The following TSPAN18 variants were observed in gnomAD, a reference collection of about 807,000 sequenced individuals.
TSPAN18 encodes tetraspanin 18.
A neutral mutation model predicts 27.3 loss-of-function variants in TSPAN18; 14 were observed. The observed-to-expected ratio is 0.51, with a 90% confidence interval of 0.34 to 0.80. The LOEUF (loss-of-function observed/expected upper bound fraction) is 0.80, where lower values mean the gene tolerates loss of function less well. TSPAN18 is among the 30% of genes least tolerant of loss of function. The pLI, the probability that TSPAN18 is intolerant of heterozygous loss-of-function variation, is 0.01. For synonymous variants in TSPAN18, 143 were observed against 136.5 expected, an observed-to-expected ratio of 1.05 and a Z score of -0.33; for missense variants, 268 against 323.9, an observed-to-expected ratio of 0.83 and a Z score of 1.32.
intron 2 of TSPAN18, among the ~76,000 whole-genome samples, chr11:44,794,967 C>A (rs1365763391): frequency 6.6e-6 from 1 of 152,110 alleles, no homozygotes; most frequent in Non-Finnish European, 1.5e-5. Flanking sequence ...AAAAATGATG[C>A]CAGCTTGGTT....
At chr11:44,906,175 A>G (rs569395226) in intron 3 of TSPAN18, among the ~76,000 whole-genome samples, 3 of 152,368 alleles carry the variant, frequency 2.0e-5, no homozygotes, top group African/African-American at 7.2e-5. Flanking sequence ...AGAGAGAGCA[A>G]GACTCAGAGA....
At chr11:44,733,743 G>A (rs571388557) in intron 1 of TSPAN18, among the ~76,000 whole-genome samples, 5 of 152,124 alleles carry the variant, frequency 3.3e-5, no homozygotes, top group Non-Finnish European at 7.4e-5. Context: ...CATTTGGGCC[G>A]CTTTGGGAAT....
chr11:44,925,980 G>T (rs74549139), intron 8 of TSPAN18, among the ~76,000 whole-genome samples: 4 of 152,030 alleles, frequency 2.6e-5, no homozygotes, highest in South Asian at 2.1e-4. Context: ...TCTCGATCTC[G>T]ATCTCTGTCT....
chr11:44,897,308 T>C (rs1291352550), intron 3 of TSPAN18, among the ~76,000 whole-genome samples: 1 of 152,186 alleles, frequency 6.6e-6, no homozygotes, highest in Admixed American at 6.5e-5. Flanking sequence ...CTCTCTCTCC[T>C]GGGAGTCTGG....
chr11:44,778,685 A>G (rs998197391), intron 2 of TSPAN18, among the ~76,000 whole-genome samples: 4 of 152,110 alleles, frequency 2.6e-5, no homozygotes, highest in Non-Finnish European at 5.9e-5. Context: ...TAGTCTTTCC[A>G]TTAAGCGTGT....
At chr11:44,891,751 A>G (rs1164062408) in intron 3 of TSPAN18, among the ~76,000 whole-genome samples, 1 of 152,132 alleles carries the variant, frequency 6.6e-6, no homozygotes, top group Non-Finnish European at 1.5e-5. Flanking sequence ...GCTATCCATC[A>G]CCAGAGGAAC....
At chr11:44,800,214 C>T (rs766063356) in intron 2 of TSPAN18, among the ~76,000 whole-genome samples, 9 of 152,016 alleles carry the variant, frequency 5.9e-5, no homozygotes, top group South Asian at 4.2e-4. Flanking sequence ...CTCCCCAGGG[C>T]ACGTGCTTTA....
At chr11:44,778,364 C>T (rs147999671) in intron 2 of TSPAN18, among the ~76,000 whole-genome samples, 4 of 152,126 alleles carry the variant, frequency 2.6e-5, no homozygotes, top group African/African-American at 9.6e-5. Flanking sequence ...TCTGTCACTC[C>T]TCCCTCTCTT....
intron 5 of TSPAN18, among the ~76,000 whole-genome samples, chr11:44,914,272 G>A (rs747042007): frequency 2.0e-4 from 31 of 152,240 alleles, no homozygotes; most frequent in Non-Finnish European, 4.1e-4. Context: ...GGAGGTGGTA[G>A]CAGAGGTTTG....
chr11:44,750,558 A>G (rs1269875204), intron 1 of TSPAN18, among the ~76,000 whole-genome samples: 1 of 152,086 alleles, frequency 6.6e-6, no homozygotes, highest in Non-Finnish European at 1.5e-5. Flanking sequence ...TTTGAATGCA[A>G]CATCTCCCTC....
chr11:44,894,532 G>C (rs1471503613), intron 3 of TSPAN18, among the ~76,000 whole-genome samples: 1 of 152,242 alleles, frequency 6.6e-6, no homozygotes, highest in African/African-American at 2.4e-5. Context: ...TAATCAGAGA[G>C]CCCCTCCTGG....
chr11:44,863,835 T>C (rs1445802748), intron 3 of TSPAN18, among the ~76,000 whole-genome samples: 1 of 152,170 alleles, frequency 6.6e-6, no homozygotes, highest in Non-Finnish European at 1.5e-5. Flanking sequence ...AGGAAATACT[T>C]GAATGACAGA....
At chr11:44,894,761 A>T (rs2135292670) in intron 3 of TSPAN18, among the ~76,000 whole-genome samples, 1 of 152,324 alleles carries the variant, frequency 6.6e-6, no homozygotes, top group East Asian at 1.9e-4. Context: ...GGCTCAGGGA[A>T]GAAGTTTAGC....
At chr11:44,772,406 G>C (rs574357886) in intron 2 of TSPAN18, among the ~76,000 whole-genome samples, 10 of 123,758 alleles carry the variant, frequency 8.1e-5, no homozygotes, top group Non-Finnish European at 1.3e-4. Flanking sequence ...AACCATGCCA[G>C]TAAACAACCG....
At chr11:44,736,461 A>T (rs769278043) in intron 1 of TSPAN18, 2 of 152,172 alleles carry the variant, frequency 1.3e-5, no homozygotes, top group Non-Finnish European at 2.9e-5. Context: ...ATCAGTTGAG[A>T]TGGATTTTTC....
At chr11:44,766,719 C>T (rs1291592976) in intron 2 of TSPAN18, among the ~76,000 whole-genome samples, 3 of 152,208 alleles carry the variant, frequency 2.0e-5, no homozygotes, top group Non-Finnish European at 4.4e-5. Flanking sequence ...AACATTATAG[C>T]ATCACAGGGA....
chr11:44,892,903 A>G lies in TSPAN18; in HGVS notation c.-10-13504A>G, dbSNP rs117221756. On this transcript the variant is annotated intron_variant, in intron 3 of 9. Coordinates refer to ENST00000520358, the MANE Select transcript of TSPAN18 (RefSeq NM_130783.5). The stretch of plus-strand genomic sequence containing the variant: ...GAGGGTCTGATGACATAAAGTGTAT[A>G]AAGCACTTTCAGGAGTTACCTACGT... Among the ~76,000 whole-genome samples, 23 of 152,324 alleles carry G rather than the reference A, an allele frequency of 1.5e-4. 1 individual carries two copies. The East Asian group carries it at 4.4e-3, about 29-fold the overall frequency.
At chr11:44,776,721 T>TA (rs146002584) in intron 2 of TSPAN18, among the ~76,000 whole-genome samples, 5,046 of 152,188 alleles carry the variant, frequency 0.033, 273 homozygotes, top group African/African-American at 0.12. Flanking sequence ...TCCCCGTCTA[T>TA]AAAGTGGGGA....
chr11:44,913,442 T>G (rs535856419), intron 5 of TSPAN18, among the ~76,000 whole-genome samples: 11 of 152,238 alleles, frequency 7.2e-5, no homozygotes, highest in Non-Finnish European at 1.6e-4. Context: ...TATTGAAAAT[T>G]TGTGGCATCC....
Sources: allele counts gnomAD v4.1 joint callset (sites outside exome capture counted in the v4.1 genomes callset), GRCh38; gene constraint gnomAD v4.1.1; transcripts MANE v1.5; gene names NCBI Gene and HGNC (gene_info 2026-07-23, HGNC 2026-07-21).